Variants in P2RX1 observed in about 807,000 individuals in gnomAD.
P2RX1 encodes the protein P2X purinoceptor 1.
Under a neutral mutation model 50.3 loss-of-function variants are expected in P2RX1, and 42 were observed. The observed-to-expected ratio is 0.83, with a 90% CI of 0.65 to 1.08. P2RX1 has a LOEUF of 1.08. Among genes scored for constraint, P2RX1 ranks in the 50% least tolerant of loss-of-function variants. The pLI is 0.00. For missense variants in P2RX1, 449 were observed against 529.0 expected, an observed-to-expected ratio of 0.85 and a Z score of 1.48; for synonymous variants, 199 against 202.6, an observed-to-expected ratio of 0.98 and a Z score of 0.15.
intron 7 of P2RX1, among the ~76,000 whole-genome samples, chr17:3,902,080 T>C (rs2056158639): frequency 6.6e-6 from 1 of 152,180 alleles, no homozygotes; most frequent in South Asian, 2.1e-4. Flanking sequence ...GGGCACAGGA[T>C]TTCTCAGGGC....
intron 3 of P2RX1, 149 bp from the exon 4 acceptor site, chr17:3,904,548 AT>A: frequency 1.4e-6 from 1 of 735,390 alleles, no homozygotes; most frequent in Non-Finnish European, 2.3e-6. Context: ...TCCTTCCCCC[AT>A]TTCCCCCCAC....
intron 1 of P2RX1, chr17:3,915,531 G>C (rs1343321493): frequency 6.6e-6 from 3 of 456,542 alleles, no homozygotes; most frequent in Non-Finnish European, 1.3e-5. Flanking sequence ...CCTGGGACCA[G>C]AACCAATCTC....
intron 8 of P2RX1, 46 bp from the exon 9 acceptor site, chr17:3,899,070 C>T (rs1358381822): frequency 2.2e-6 from 3 of 1,382,824 alleles, no homozygotes; most frequent in Non-Finnish European, 3.1e-6. Context: ...AGGGGACTGT[C>T]TTGGGTCTGG....
chr17:3,916,182 T>A lies in P2RX1; in HGVS notation c.44A>T (p.Glu15Val). Residue 15 changes from glutamate to valine, a missense_variant, in exon 1 of 12, where the codon GAG (glutamate) becomes GTG (valine). Coordinates refer to ENST00000225538, the MANE Select transcript of P2RX1 (RefSeq NM_002558.4). ...CAGCACCATGCGGGGGGTGTCATACTCGAAGAGGAAGGCGGCCAGCTCCTC... is the reference window on the plus strand; with the variant it reads ...CAGCACCATGCGGGGGGTGTCATACACGAAGAGGAAGGCGGCCAGCTCCTC... ...FQEELAAFLF[E>V]YDTPRMVLVR... 3.7e-6 allele frequency: 6 copies of A among 1,613,278 alleles called. No homozygotes were observed. Among genetic ancestry groups the A allele is most frequent in the Non-Finnish European group, 5.1e-6 (6 of 1,179,984 alleles).
At chr17:3,910,635 T>G (rs528166502) in intron 1 of P2RX1, among the ~76,000 whole-genome samples, 79 of 152,282 alleles carry the variant, frequency 5.2e-4, no homozygotes, top group African/African-American at 1.8e-3. Context: ...GGACACAGGG[T>G]ATGGCCATGG....
intron 9 of P2RX1, 45 bp from the exon 10 acceptor site, chr17:3,898,594 G>T: frequency 6.7e-7 from 1 of 1,503,304 alleles, no homozygotes; most frequent in Non-Finnish European, 9.3e-7. Context: ...GTCGGAAGGG[G>T]CCCAGCTGGA....
intron 7 of P2RX1, among the ~76,000 whole-genome samples, chr17:3,902,627 A>G (rs556260296): frequency 7.6e-6 from 1 of 131,658 alleles, no homozygotes; most frequent in Admixed American, 7.9e-5. Flanking sequence ...TTTGTTTTTG[A>G]GATGGAATCT....
Position 3,903,506 on chromosome 17 carries a change from G to A in P2RX1, c.605+45C>T, listed in dbSNP as rs772746405. ...AGAGACAGCTGAGAGCTGCCGGAGC[G>A]GCCCCGGCCAGCTGCCTGCATTTCT... is the stretch of plus-strand genomic sequence containing the variant. On this transcript the variant is annotated intron_variant, in intron 6 of 11. Coordinates refer to ENST00000225538, the MANE Select transcript of P2RX1 (RefSeq NM_002558.4). This position sits in a 1 kb window ranked among gnomAD's most constrained non-coding sequence, Gnocchi z 4.6. 21 of 1,600,564 alleles carry A rather than the reference G, an allele frequency of 1.3e-5. No homozygotes were observed. Among genetic ancestry groups the A allele is most frequent in the East Asian group, 2.2e-5 (1 of 44,814 alleles).
At chr17:3,898,348 G>T in intron 10 of P2RX1, 136 bp downstream of exon 10, 1 of 796,290 alleles carries the variant, frequency 1.3e-6, no homozygotes, top group Non-Finnish European at 2.2e-6. Context: ...TGTAGTTGGT[G>T]GGGTGGGCAG....
chr17:3,916,008 T>C, intron 1 of P2RX1, 81 bp downstream of exon 1: 1 of 1,506,268 alleles, frequency 6.6e-7, no homozygotes. Flanking sequence ...GGCTCGCTGG[T>C]GTCACGCAAG....
intron 3 of P2RX1, 136 bp downstream of exon 3, chr17:3,904,722 A>G: frequency 2.8e-6 from 2 of 704,432 alleles, no homozygotes; most frequent in South Asian, 1.6e-5. Context: ...GTGTGTGAAT[A>G]TGCGCCCAAA....
chr17:3,911,153 ATTT>A (rs35055902), intron 1 of P2RX1, among the ~76,000 whole-genome samples: 8 of 138,206 alleles, frequency 5.8e-5, no homozygotes, highest in African/African-American at 1.3e-4. Context: ...CACCTGGGTA[ATTT>A]TTTTTTTTTT....
intron 8 of P2RX1, 139 bp downstream of exon 8, chr17:3,899,494 TG>T: frequency 2.6e-6 from 3 of 1,164,156 alleles, no homozygotes; most frequent in South Asian, 2.5e-5. Flanking sequence ...GCTTCCTGCA[TG>T]GCCACCCAGG....
chr17:3,898,446 C>A (rs368683252), intron 10 of P2RX1, 38 bp downstream of exon 10: 2 of 1,545,584 alleles, frequency 1.3e-6, no homozygotes, highest in East Asian at 2.2e-5. Context: ...GAGGAGGGGC[C>A]AACCCCAGCA....
At chr17:3,902,176 A>T (rs1368530995) in intron 7 of P2RX1, among the ~76,000 whole-genome samples, 1 of 152,138 alleles carries the variant, frequency 6.6e-6, no homozygotes, top group African/African-American at 2.4e-5. Flanking sequence ...GGGCTAGACT[A>T]GTGCAGTGGT....
At position 3,897,805 on chromosome 17, in the gene P2RX1, G is replaced by A; in HGVS notation, c.*9C>T. On this transcript the variant is annotated 3_prime_UTR_variant, in exon 12 of 12. Coordinates refer to ENST00000225538, the MANE Select transcript of P2RX1 (RefSeq NM_002558.4). Reference sequence around the variant, plus strand: ...ACGCTGCACCCAGTCAGGAGTTGGGGCCCGAGCATCAGGATGTCCTCATGT... The same window carrying A: ...ACGCTGCACCCAGTCAGGAGTTGGGACCCGAGCATCAGGATGTCCTCATGT... The A allele has an allele frequency of 6.2e-7, 1 of 1,611,980 alleles. No homozygotes were observed. Among genetic ancestry groups the A allele is most frequent in the Non-Finnish European group, 8.5e-7 (1 of 1,179,642 alleles).
rs777025954 is a variant in P2RX1, at chr17:3,903,191, A to G, written c.747+11T>C. 41 of 1,613,890 alleles carry G rather than the reference A, an allele frequency of 2.5e-5. 1 individual carries two copies. In the South Asian group the frequency reaches 3.5e-4, roughly 14 times the overall value. On this transcript the variant is annotated intron_variant, in intron 7 of 11. Coordinates refer to ENST00000225538, the MANE Select transcript of P2RX1 (RefSeq NM_002558.4). The surrounding 1 kb of genome is among the most constrained non-coding windows in gnomAD (Gnocchi z 4.6). ...CAGCCCTCCCCACGTGCCTGGCACC[A>G]TGCTCCATACCTTCTCAGCCAGGGT...
intron 1 of P2RX1, among the ~76,000 whole-genome samples, chr17:3,907,786 A>C (rs2056294104): frequency 1.1e-4 from 17 of 151,976 alleles, no homozygotes; most frequent in Admixed American, 1.1e-3. Context: ...GGAGAGCAAG[A>C]GCATTGCCCA....
At position 3,903,164 on chromosome 17, in the gene P2RX1, C is replaced by T; in HGVS notation, c.747+38G>A. ...AAAAGCCTTTATCAGGATCCTGCGG[C>T]CCAGCCCTCCCCACGTGCCTGGCAC... On this transcript the variant is annotated intron_variant, in intron 7 of 11. Coordinates refer to ENST00000225538, the MANE Select transcript of P2RX1 (RefSeq NM_002558.4). The surrounding 1 kb of genome is among the most constrained non-coding windows in gnomAD (Gnocchi z 4.6). 1.2e-6 allele frequency: 2 copies of T among 1,613,480 alleles called. No homozygotes were observed. Among genetic ancestry groups the T allele is most frequent in the Non-Finnish European group, 1.7e-6 (2 of 1,179,944 alleles).
Sources: allele counts gnomAD v4.1 joint callset (sites outside exome capture counted in the v4.1 genomes callset), GRCh38; gene constraint gnomAD v4.1.1; non-coding constraint Gnocchi (gnomAD v3.1); transcripts MANE v1.5; gene names NCBI Gene and HGNC (gene_info 2026-07-23, HGNC 2026-07-21).